The following LINC00237 variants were observed in gnomAD, a reference collection of about 807,000 sequenced individuals.
The protein encoded by LINC00237 is long independently transcribed non-coding RNA 237, also known as long intergenic non-protein coding RNA 237.
At chr20:21,088,997 C>T (rs1259682674) in intron 2 of LINC00237, among the ~76,000 whole-genome samples, 1 of 151,856 alleles carries the variant, frequency 6.6e-6, no homozygotes, top group East Asian at 1.9e-4. Context: ...TTTTCTTCCT[C>T]TTTTTTAGCC....
At chr20:21,099,656 CTTCTTTTT>C (rs1429213302) in intron 1 of LINC00237, among the ~76,000 whole-genome samples, 1 of 152,034 alleles carries the variant, frequency 6.6e-6, no homozygotes, top group Non-Finnish European at 1.5e-5. Context: ...CCCAGGCGCC[CTTCTTTTT>C]TTATATATAT....
At chr20:21,097,515 G>A (rs767978218) in intron 1 of LINC00237, among the ~76,000 whole-genome samples, 41 of 151,846 alleles carry the variant, frequency 2.7e-4, no homozygotes, top group Non-Finnish European at 4.1e-4. Context: ...TTTTAAAATC[G>A]TTATTCTGCC....
At chr20:21,085,666 C>T (rs1302060727) in exon 4 of LINC00237, among the ~76,000 whole-genome samples, 1 of 152,102 alleles carries the variant, frequency 6.6e-6, no homozygotes, top group East Asian at 1.9e-4. Context: ...CTTTGGGAGG[C>T]TATTGACTGA....
intron 1 of LINC00237, among the ~76,000 whole-genome samples, chr20:21,103,622 C>G (rs758593477): frequency 6.6e-6 from 1 of 152,174 alleles, no homozygotes; most frequent in African/African-American, 2.4e-5. Flanking sequence ...GAAGTGAATC[C>G]TCTGAAAGGG....
chr20:21,099,466 G>A (rs563291687), intron 1 of LINC00237, among the ~76,000 whole-genome samples: 1 of 152,050 alleles, frequency 6.6e-6, no homozygotes, highest in Non-Finnish European at 1.5e-5. Flanking sequence ...ATTTCCATGC[G>A]CGAATTGTCA....
At chr20:21,104,195 T>C (rs1162223546) in intron 1 of LINC00237, among the ~76,000 whole-genome samples, 1 of 152,218 alleles carries the variant, frequency 6.6e-6, no homozygotes, top group African/African-American at 2.4e-5. Context: ...GCTTTTAAAT[T>C]GTTCTCCTTG....
At chr20:21,091,060 CGTGTGTGTGTGTGT>C (rs57771489) in intron 2 of LINC00237, among the ~76,000 whole-genome samples, 3 of 147,156 alleles carry the variant, frequency 2.0e-5, no homozygotes, top group Non-Finnish European at 4.5e-5. Flanking sequence ...TGTGTGTGTG[CGTGTGTGTGTGTGT>C]GTGTGTGTGT....
At chr20:21,086,389 A>G (rs987598072) in intron 3 of LINC00237, among the ~76,000 whole-genome samples, 1 of 151,676 alleles carries the variant, frequency 6.6e-6, no homozygotes, top group Non-Finnish European at 1.5e-5. Context: ...CACTTCTCCA[A>G]GTCCCAGAGG....
chr20:21,105,268 A>C (rs1211679589), intron 1 of LINC00237, among the ~76,000 whole-genome samples: 1 of 151,700 alleles, frequency 6.6e-6, no homozygotes, highest in Non-Finnish European at 1.5e-5. Context: ...TCTGGGTCTG[A>C]ACAACCCCCC....
chr20:21,090,733 T>A (rs983180735), intron 2 of LINC00237, among the ~76,000 whole-genome samples: 1 of 152,152 alleles, frequency 6.6e-6, no homozygotes, highest in African/African-American at 2.4e-5. Flanking sequence ...AGACAGCCGC[T>A]GCCCTTGCTC....
At chr20:21,106,035 A>G (rs1172226814) in intron 1 of LINC00237, among the ~76,000 whole-genome samples, 3 of 152,158 alleles carry the variant, frequency 2.0e-5, no homozygotes, top group Non-Finnish European at 4.4e-5. Context: ...TCCGAATCCT[A>G]GGGACTCTCT....
At chr20:21,085,586 A>G (rs1001067739) in exon 4 of LINC00237, among the ~76,000 whole-genome samples, 2 of 152,218 alleles carry the variant, frequency 1.3e-5, no homozygotes, top group African/African-American at 4.8e-5. Context: ...TACATGTTGT[A>G]TGATTTAATA....
intron 2 of LINC00237, among the ~76,000 whole-genome samples, chr20:21,092,100 G>C (rs1293751726): frequency 2.6e-5 from 4 of 152,200 alleles, no homozygotes; most frequent in African/African-American, 7.2e-5. Flanking sequence ...CTCAATTAAA[G>C]AGTCCATCAG....
chr20:21,089,264 T>C (rs1352913533), intron 2 of LINC00237, among the ~76,000 whole-genome samples: 1 of 151,788 alleles, frequency 6.6e-6, no homozygotes, highest in Non-Finnish European at 1.5e-5. Context: ...GTTGATCCTT[T>C]GCAAGATAGG....
At chr20:21,092,874 A>C (rs996386206) in intron 2 of LINC00237, 1 of 152,248 alleles carries the variant, frequency 6.6e-6, no homozygotes, top group African/African-American at 2.4e-5. Context: ...GTTAGCATAC[A>C]TTAACTTATG....
chr20:21,097,768 GC>G (rs1243073879), intron 1 of LINC00237, among the ~76,000 whole-genome samples: 1 of 152,098 alleles, frequency 6.6e-6, no homozygotes, highest in Non-Finnish European at 1.5e-5. Flanking sequence ...CTCTCCAAAT[GC>G]AAACCTCAGT....
intron 1 of LINC00237, among the ~76,000 whole-genome samples, chr20:21,099,470 A>T (rs1201756838): frequency 6.6e-6 from 1 of 151,970 alleles, no homozygotes. Flanking sequence ...CCATGCGCGA[A>T]TTGTCACTCA....
At chr20:21,095,204 T>C (rs923254749) in intron 1 of LINC00237, among the ~76,000 whole-genome samples, 5 of 152,172 alleles carry the variant, frequency 3.3e-5, no homozygotes, top group Non-Finnish European at 5.9e-5. Context: ...ACTAGCAGCT[T>C]CCACTGCCTC....
chr20:21,102,463 G>C (rs565049907), intron 1 of LINC00237, among the ~76,000 whole-genome samples: 4 of 152,196 alleles, frequency 2.6e-5, no homozygotes, highest in Non-Finnish European at 5.9e-5. Flanking sequence ...ACTCGCTCCA[G>C]GTCACAGGAC....
Sources: gnomAD v4.1 joint callset for allele counts (sites outside exome capture counted in the v4.1 genomes callset) on GRCh38, gnomAD v4.1.1 for gene constraint, MANE v1.5 for transcripts, NCBI Gene and HGNC (gene_info 2026-07-23, HGNC 2026-07-21) for gene names.